MTSS1: variants seen among roughly 807,000 people sequenced by gnomAD.
MTSS1 encodes the protein protein MTSS 1.
A neutral mutation model predicts 79.0 loss-of-function variants in MTSS1; 18 were observed. The ratio of observed to expected loss-of-function variants is 0.23; its 90% CI spans 0.16 to 0.34. The LOEUF (loss-of-function observed/expected upper bound fraction) is 0.34. Among genes scored for constraint, MTSS1 ranks in the 10% least tolerant of loss-of-function variants. The probability of loss-of-function intolerance (pLI) is 1.00; values close to 1 mark genes in which losing one functional copy is unlikely to be tolerated. For synonymous variants in MTSS1, 341 were observed against 368.6 expected (o/e 0.93, Z 0.86); for missense variants, 815 against 986.2 (o/e 0.83, Z 2.33).
At position 124,628,836 on chromosome 8, in the gene MTSS1, C is replaced by A. The variant is rs185223294; in HGVS notation, c.209-37601G>T. On this transcript the variant is annotated intron_variant, in intron 3 of 13. Transcript: ENST00000518547. Reference sequence around the variant, plus strand: ...ATGGGGAAACTGAGGCTAAGAGAAACCTGCCATAGGTGGGTAGACCTAGGA... The same window carrying A: ...ATGGGGAAACTGAGGCTAAGAGAAAACTGCCATAGGTGGGTAGACCTAGGA... Among the ~76,000 whole-genome samples, 553 of 152,298 alleles carry A rather than the reference C, an allele frequency of 3.6e-3. 2 individuals carry two copies. The highest frequency in any genetic ancestry group is 7.3e-3 in the Admixed American group (111 of 15,306).
chr8:124,619,729 A>C (rs1210662349), intron 3 of MTSS1, among the ~76,000 whole-genome samples: 1 of 152,130 alleles, frequency 6.6e-6, no homozygotes, highest in African/African-American at 2.4e-5. Flanking sequence ...GCATCATGGA[A>C]TTCAGACTCC....
At chr8:124,706,267 T>G (rs995066079) in intron 1 of MTSS1, among the ~76,000 whole-genome samples, 2 of 152,234 alleles carry the variant, frequency 1.3e-5, no homozygotes, top group African/African-American at 4.8e-5. Flanking sequence ...TTCTGGGAGT[T>G]AAAATCTGGA....
chr8:124,588,927 C>A (rs1831345547), intron 5 of MTSS1, among the ~76,000 whole-genome samples: 1 of 152,156 alleles, frequency 6.6e-6, no homozygotes, highest in Admixed American at 6.6e-5. Flanking sequence ...GTTGGCCAGG[C>A]TGGTCTCAGA....
intron 10 of MTSS1, among the ~76,000 whole-genome samples, chr8:124,558,213 CTCATT>C: frequency 6.6e-6 from 1 of 151,308 alleles, no homozygotes; most frequent in South Asian, 2.1e-4. Flanking sequence ...TAGTGATTTG[CTCATT>C]TCATTATGCA....
intron 3 of MTSS1, among the ~76,000 whole-genome samples, chr8:124,697,230 T>C (rs1828977863): frequency 6.7e-6 from 1 of 150,272 alleles, no homozygotes; most frequent in Admixed American, 6.7e-5. Context: ...GATATCTAAG[T>C]TCCTTAAAAC....
intron 3 of MTSS1, among the ~76,000 whole-genome samples, chr8:124,610,461 G>C (rs1835603842): frequency 6.6e-6 from 1 of 152,240 alleles, no homozygotes; most frequent in African/African-American, 2.4e-5. Context: ...GCATAAAGAA[G>C]GGCGGGGAAC....
intron 3 of MTSS1, among the ~76,000 whole-genome samples, chr8:124,665,812 A>G (rs1349383970): frequency 1.3e-5 from 2 of 149,374 alleles, no homozygotes; most frequent in Non-Finnish European, 3.0e-5. Flanking sequence ...GGTTGTGGTG[A>G]GCTGAGATTG....
chr8:124,644,435 G>C (rs918148855), intron 3 of MTSS1, among the ~76,000 whole-genome samples: 5 of 152,170 alleles, frequency 3.3e-5, no homozygotes, highest in Admixed American at 2.0e-4. Context: ...ATTCCACAAT[G>C]GATTTTAGAG....
At chr8:124,554,205 C>A (rs1291595008) in intron 13 of MTSS1, among the ~76,000 whole-genome samples, 1 of 152,254 alleles carries the variant, frequency 6.6e-6, no homozygotes, top group Admixed American at 6.5e-5. Context: ...CATGTGCTCA[C>A]TTCCTTGTAA....
At position 124,649,133 on chromosome 8, in the gene MTSS1, C is replaced by A. The variant is rs569766141; in HGVS notation, c.208+50393G>T. On this transcript the variant is annotated intron_variant, in intron 3 of 13. Coordinates refer to ENST00000518547, the MANE Select transcript of MTSS1 (RefSeq NM_014751.6). Reference sequence around the variant, plus strand: ...ACTATGGCAGCAGGCCAAATCCGGCCCACTGCCTGTTTCTGTAAGTAAAGT... The same window carrying A: ...ACTATGGCAGCAGGCCAAATCCGGCACACTGCCTGTTTCTGTAAGTAAAGT... Among the ~76,000 whole-genome samples, 17 of 152,374 alleles carry A rather than the reference C, an allele frequency of 1.1e-4. No individual in the cohort carries two copies. The South Asian group carries it at 3.5e-3, about 32-fold the overall frequency.
At chr8:124,587,273 C>T (rs1831028068) in intron 5 of MTSS1, among the ~76,000 whole-genome samples, 1 of 152,182 alleles carries the variant, frequency 6.6e-6, no homozygotes, top group South Asian at 2.1e-4. Flanking sequence ...AGTCAGCCAA[C>T]ACAAAGTGAA....
intron 3 of MTSS1, among the ~76,000 whole-genome samples, chr8:124,667,453 T>C (rs1038905465): frequency 6.6e-6 from 1 of 152,150 alleles, no homozygotes; most frequent in Non-Finnish European, 1.5e-5. Flanking sequence ...GAGACCATCC[T>C]GACCAACATG....
At chr8:124,640,354 C>T (rs1018954851) in intron 3 of MTSS1, among the ~76,000 whole-genome samples, 9 of 152,308 alleles carry the variant, frequency 5.9e-5, no homozygotes, top group African/African-American at 9.6e-5. Context: ...TTTACTGGAA[C>T]GGAAAACATT....
At chr8:124,668,439 T>C (rs549974828) in intron 3 of MTSS1, among the ~76,000 whole-genome samples, 54 of 152,288 alleles carry the variant, frequency 3.5e-4, no homozygotes, top group Middle Eastern at 3.4e-3. Context: ...CTAGCTCCGT[T>C]TGAAAACCCG....
rs1351286619 is a variant in MTSS1 at position 124,589,697 on chromosome 8, C to T, written c.308G>A (p.Cys103Tyr). ...LRQFSSALID[C>Y]LINPLQEQME... ...CTGTTCTTGAAGTGGGTTTATCAGA[C>T]AATCAATTAAAGCGCTTTTACCAAG... The change falls in exon 5 of 14, where the codon TGT (cysteine) becomes TAT (tyrosine). Residue 103 changes from cysteine to tyrosine, a missense_variant. This residue lies in a region of MTSS1 where 225 missense variants were observed against 365.4 expected (regional missense o/e 0.62). Coordinates refer to ENST00000518547, the MANE Select transcript of MTSS1 (RefSeq NM_014751.6). 6.2e-7 allele frequency: 1 copy of T among 1,610,862 alleles called. No individual in the cohort carries two copies. Among genetic ancestry groups the T allele is most frequent in the East Asian group, 2.2e-5 (1 of 44,700 alleles).
chr8:124,717,266 C>T (rs1319852021), intron 1 of MTSS1, among the ~76,000 whole-genome samples: 4 of 151,748 alleles, frequency 2.6e-5, no homozygotes, highest in South Asian at 2.1e-4. Context: ...CCAAGGCGGG[C>T]AGATCACTTG....
intron 3 of MTSS1, among the ~76,000 whole-genome samples, chr8:124,682,920 C>T (rs1421996367): frequency 6.6e-6 from 1 of 152,150 alleles, no homozygotes; most frequent in African/African-American, 2.4e-5. Flanking sequence ...TTGAAGAAAA[C>T]AAAAATGGCT....
rs545923066 is a variant in MTSS1 at position 124,584,236 on chromosome 8, G to A, written c.460+851C>T. Among the ~76,000 whole-genome samples, 24 of 152,298 alleles carry A rather than the reference G, an allele frequency of 1.6e-4. No homozygotes were observed. The East Asian group carries it at 3.7e-3, about 23-fold the overall frequency. On this transcript the variant is annotated intron_variant, in intron 6 of 13. Coordinates refer to ENST00000518547, the MANE Select transcript of MTSS1 (RefSeq NM_014751.6). ...AATTCAGGCTGGGGGATCCCAACTC[G>A]AAAAGGTTGTCTCAAATTAATGGTA... is the stretch of plus-strand genomic sequence containing the variant.
intron 6 of MTSS1, among the ~76,000 whole-genome samples, chr8:124,583,559 G>T (rs993346782): frequency 1.3e-5 from 2 of 152,166 alleles, no homozygotes; most frequent in African/African-American, 2.4e-5. Context: ...TTAGATAAAA[G>T]GATTATCACT....
Sources: allele counts gnomAD v4.1 joint callset (sites outside exome capture counted in the v4.1 genomes callset), GRCh38; gene constraint gnomAD v4.1.1; regional missense constraint gnomAD v4.1.1; transcripts MANE v1.5; gene names NCBI Gene and HGNC (gene_info 2026-07-23, HGNC 2026-07-21).